Variants in AHNAK observed in about 807,000 individuals in gnomAD.
AHNAK encodes neuroblast differentiation-associated protein AHNAK.
AHNAK carries 23 observed loss-of-function variants against 37.8 expected under a neutral mutation model. The ratio of observed to expected loss-of-function variants is 0.61; its 90% CI spans 0.44 to 0.86. The LOEUF is 0.86. Ranked by LOEUF, AHNAK falls within the 40% of genes least tolerant of loss-of-function variation. AHNAK has a pLI of 0.00. For missense variants in AHNAK, 7,411 were observed against 7,319.4 expected, an observed-to-expected ratio of 1.01 and a Z score of -0.46; for synonymous variants, 2,481 against 2,636.3, an observed-to-expected ratio of 0.94 and a Z score of 1.80.
chr11:62,444,673 G>A (rs572797601), intron 5 of AHNAK, among the ~76,000 whole-genome samples: 23 of 152,330 alleles, frequency 1.5e-4, no homozygotes, highest in African/African-American at 5.3e-4. Flanking sequence ...CACATCTGAC[G>A]CCCCTTTCCC....
At chr11:62,434,116 G>C (rs777945870) in intron 5 of AHNAK, among the ~76,000 whole-genome samples, 1 of 152,052 alleles carries the variant, frequency 6.6e-6, no homozygotes, top group Admixed American at 6.6e-5. Context: ...GTTTCTGTGC[G>C]GCAAGGGTGG....
chr11:62,522,310 T>G lies in AHNAK; in HGVS notation c.12107A>C (p.Asp4036Ala), dbSNP rs765338568. The G allele has an allele frequency of 8.7e-6, 14 of 1,612,960 alleles. No homozygotes were observed. The highest frequency in any genetic ancestry group is 1.6e-4 in the Middle Eastern group (1 of 6,080). Residue 4036 changes from aspartate (D) to alanine (A), a missense_variant, in exon 5 of 5, where the codon GAC becomes GCC. Physicochemically the swap from Asp to Ala is moderately radical, Grantham distance 126. Transcript: ENST00000378024. ...MEGDLKAPEV[D>A]IKGPKVDIDA... is the part of the protein sequence containing the mutation. Reference sequence around the variant, plus strand: ...AATGTCCACTTTGGGGCCCTTGATGTCAACTTCAGGGGCCTTTAGATCACC... The same window carrying G: ...AATGTCCACTTTGGGGCCCTTGATGGCAACTTCAGGGGCCTTTAGATCACC...
chr11:62,504,600 G>A (rs1347937381), intron 4 of AHNAK, among the ~76,000 whole-genome samples: 1 of 152,072 alleles, frequency 6.6e-6, no homozygotes, highest in Non-Finnish European at 1.5e-5. Context: ...GAAGACAGAG[G>A]ACAGAGGCGT....
chr11:62,447,328 T>C (rs1730730488), intron 5 of AHNAK, among the ~76,000 whole-genome samples: 1 of 152,146 alleles, frequency 6.6e-6, no homozygotes, highest in South Asian at 2.1e-4. Flanking sequence ...CAAGCATGTG[T>C]CCTTCTGCCC....
chr11:62,530,537 C>T lies in AHNAK; in HGVS notation c.3880G>A (p.Val1294Ile). Residue 1294 changes from valine (V) to isoleucine (I), a missense_variant, in exon 5 of 5, where the codon GTC becomes ATC. Coordinates refer to ENST00000378024, the MANE Select transcript of AHNAK (RefSeq NM_001620.3). ...DVSGPKVDVE[V>I]PDVSLEGPEG... ...GGGCCCTCAAGGCTCACATCTGGGA[C>T]TTCAACATCCACCTTGGGTCCTGAG... 1 of 1,611,698 alleles carries T rather than the reference C, an allele frequency of 6.2e-7. No homozygotes were observed. The highest frequency in any genetic ancestry group is 8.5e-7 in the Non-Finnish European group (1 of 1,179,514).
Position 62,522,609 on chromosome 11 carries a change from T to G in AHNAK, c.11808A>C (p.Lys3936Asn). The G allele has an allele frequency of 6.2e-7, 1 of 1,610,804 alleles. No homozygotes were observed. Among genetic ancestry groups the G allele is most frequent in the Non-Finnish European group, 8.5e-7 (1 of 1,179,214 alleles). Residue 3936 changes from lysine to asparagine, a missense_variant, in exon 5 of 5, where the codon AAA becomes AAC. Physicochemically the swap from Lys to Asn is moderately conservative, Grantham distance 94 (BLOSUM62 0). Transcript: ENST00000378024. ...PDWHLKMPKI[K>N]MPKISMPGFK... ...AGCCAGGCATGCTGATCTTGGGCATTTTTATCTTAGGCATCTTCAGGTGCC... is the reference window on the plus strand; with the variant it reads ...AGCCAGGCATGCTGATCTTGGGCATGTTTATCTTAGGCATCTTCAGGTGCC...
chr11:62,489,757 C>T (rs1056127137), intron 5 of AHNAK, among the ~76,000 whole-genome samples: 25 of 151,742 alleles, frequency 1.6e-4, no homozygotes, highest in African/African-American at 6.1e-4. Context: ...AGAGGTTGCC[C>T]GGAGAGAGAG....
At chr11:62,476,378 G>A (rs544424570) in intron 5 of AHNAK, among the ~76,000 whole-genome samples, 1 of 152,216 alleles carries the variant, frequency 6.6e-6, no homozygotes, top group Non-Finnish European at 1.5e-5. Flanking sequence ...GGGCGACAGA[G>A]CAAGACTCCG....
rs144974389 is a variant in AHNAK, at chr11:62,496,379, A to T, written c.343-4548T>A. On this transcript the variant is annotated intron_variant, in intron 4 of 5. Coordinates refer to the AHNAK transcript ENST00000257247. The stretch of plus-strand genomic sequence containing the variant: ...GAGATTAATATTAAGATACTCTATG[A>T]GTCTAAACTGTACGGAAATCATCAA... Among the ~76,000 whole-genome samples the T allele has an allele frequency of 2.3e-4, 35 of 152,292 alleles. No individual in the cohort carries two copies. The East Asian group carries it at 5.6e-3, about 24-fold the overall frequency.
At chr11:62,479,496 T>G (rs1330200130) in intron 5 of AHNAK, among the ~76,000 whole-genome samples, 1 of 151,326 alleles carries the variant, frequency 6.6e-6, no homozygotes, top group Non-Finnish European at 1.5e-5. Context: ...AGCCATTACT[T>G]GGGTAGTTTG....
intron 5 of AHNAK, among the ~76,000 whole-genome samples, chr11:62,480,083 G>A (rs576913433): frequency 2.0e-5 from 3 of 152,166 alleles, no homozygotes; most frequent in East Asian, 3.9e-4. Context: ...AGCCTCACCC[G>A]GACCCTGCCA....
At chr11:62,459,914 C>T (rs193070219) in intron 5 of AHNAK, among the ~76,000 whole-genome samples, 3 of 151,830 alleles carry the variant, frequency 2.0e-5, no homozygotes, top group East Asian at 1.9e-4. Flanking sequence ...CGGAGGCGGG[C>T]GGATCACCTG....
chr11:62,535,354 G>A (rs1443306168), intron 3 of AHNAK, among the ~76,000 whole-genome samples, 164 bp from the exon 4 acceptor site: 2 of 152,114 alleles, frequency 1.3e-5, no homozygotes, highest in African/African-American at 4.8e-5. Context: ...GCTTAGAAAG[G>A]CCAATTTGTG....
At chr11:62,545,890 G>C (rs1001721271) in intron 1 of AHNAK, 1 of 152,298 alleles carries the variant, frequency 6.6e-6, no homozygotes, top group African/African-American at 2.4e-5. Context: ...GCCGCCTCCG[G>C]AGGGGAAGGG....
chr11:62,435,059 C>T (rs1590574165), intron 5 of AHNAK, among the ~76,000 whole-genome samples: 1 of 152,146 alleles, frequency 6.6e-6, no homozygotes, highest in Non-Finnish European at 1.5e-5. Context: ...ATCACCTGCT[C>T]ACCCTTCCCA....
chr11:62,527,343 T>C lies in AHNAK; in HGVS notation c.7074A>G (p.Pro2358=), dbSNP rs1940534218. The change falls in exon 5 of 5, where the codon CCA becomes CCG. Residue 2358 remains proline (P), a synonymous_variant. Coordinates refer to ENST00000378024, the MANE Select transcript of AHNAK (RefSeq NM_001620.3). The stretch of plus-strand genomic sequence containing the variant: ...CATTTGGGCCTTCCACAGCTACTTC[T>C]GGCATGTCAGCATCTAATTTGGGAC... ...VKGPKLDADM[P]EVAVEGPNGK... The C allele has an allele frequency of 1.7e-5, 27 of 1,614,020 alleles. No homozygotes were observed. Among genetic ancestry groups the C allele is most frequent in the Non-Finnish European group, 2.3e-5 (27 of 1,179,944 alleles).
chr11:62,520,243 T>C lies in AHNAK; in HGVS notation c.14174A>G (p.Asp4725Gly), dbSNP rs529488235. ...SIKAPKISMP[D>G]IDLNLKGPKV... Reference sequence around the variant, plus strand: ...GGGTCCTTTCAGGTTTAAGTCAATATCAGGCATGGAGATCTTGGGGGCTTT... The same window carrying C: ...GGGTCCTTTCAGGTTTAAGTCAATACCAGGCATGGAGATCTTGGGGGCTTT... The change falls in exon 5 of 5, where the codon GAT (aspartate) becomes GGT (glycine). Residue 4725 changes from aspartate (D) to glycine (G), a missense_variant. Transcript: ENST00000378024. The C allele has an allele frequency of 1.3e-4, 208 of 1,612,528 alleles. No individual in the cohort carries two copies. Among genetic ancestry groups the C allele is most frequent in the Admixed American group, 2.7e-4 (16 of 59,812 alleles).
chr11:62,492,120 A>C (rs1332781848), intron 4 of AHNAK, among the ~76,000 whole-genome samples: 1 of 152,156 alleles, frequency 6.6e-6, no homozygotes, highest in East Asian at 1.9e-4. Flanking sequence ...CGGTTCATCC[A>C]CCCACCAGAC....
chr11:62,482,044 G>A (rs572819265), intron 5 of AHNAK, among the ~76,000 whole-genome samples: 64 of 152,192 alleles, frequency 4.2e-4, no homozygotes, highest in East Asian at 1.7e-3. Flanking sequence ...TCCCTGGCCC[G>A]TCACTCATGT....
Sources: gnomAD v4.1 joint callset for allele counts (sites outside exome capture counted in the v4.1 genomes callset) on GRCh38, gnomAD v4.1.1 for gene constraint, MANE v1.5 for transcripts, NCBI Gene and HGNC (gene_info 2026-07-23, HGNC 2026-07-21) for gene names.